The following MARCHF1 variants were observed in gnomAD, a reference collection of about 807,000 sequenced individuals.
MARCHF1 encodes E3 ubiquitin-protein ligase MARCHF1.
In MARCHF1, 40 loss-of-function variants were observed where a neutral mutation model predicts 54.2. The observed-to-expected ratio is 0.74, with a 90% CI of 0.57 to 0.96. The LOEUF (loss-of-function observed/expected upper bound fraction) is 0.96, where lower values mean the gene tolerates loss of function less well. MARCHF1 is among the 40% of genes least tolerant of loss of function. The probability of loss-of-function intolerance (pLI) is 0.00; values close to 1 mark genes in which losing one functional copy is unlikely to be tolerated. For missense variants in MARCHF1, 586 were observed against 656.5 expected, an observed-to-expected ratio of 0.89 and a Z score of 1.17; for synonymous variants, 236 against 236.3, an observed-to-expected ratio of 1.00 and a Z score of 0.01.
chr4:164,127,050 T>C (rs1756198784), intron 1 of MARCHF1, among the ~76,000 whole-genome samples: 1 of 60,444 alleles, frequency 1.7e-5, no homozygotes, highest in African/African-American at 4.6e-5. Context: ...TGAAACTCCG[T>C]CTCAAAACAA....
At chr4:163,615,900 C>T (rs1375691683) in intron 5 of MARCHF1, among the ~76,000 whole-genome samples, 2 of 152,156 alleles carry the variant, frequency 1.3e-5, no homozygotes, top group East Asian at 1.9e-4. Context: ...TGGAACACAA[C>T]AGGGAATTCA....
At chr4:163,821,079 G>A (rs1748679638) in intron 4 of MARCHF1, among the ~76,000 whole-genome samples, 2 of 151,956 alleles carry the variant, frequency 1.3e-5, no homozygotes, top group Admixed American at 1.3e-4. Flanking sequence ...AACTTGTTCT[G>A]TTCCAGTCTC....
In MARCHF1 at chr4:164,228,547, A is replaced by G. The variant is rs118140398; in HGVS notation, c.-322-116885T>C. Among the ~76,000 whole-genome samples the G allele has an allele frequency of 1.7e-3, 252 of 152,326 alleles. 6 individuals are homozygous for G. In the East Asian group the frequency reaches 0.031, roughly 19 times the overall value. On this transcript the variant is annotated intron_variant, in intron 1 of 9. Coordinates refer to ENST00000514618, the MANE Select transcript of MARCHF1 (RefSeq NM_001394959.1). ...AATGATGGTCAAACGTATAATGTTG[A>G]GAAAAACATGTTTTTCTTAATTAAG...
chr4:164,351,071 G>T (rs551411529), intron 1 of MARCHF1, among the ~76,000 whole-genome samples: 1 of 152,176 alleles, frequency 6.6e-6, no homozygotes, highest in Non-Finnish European at 1.5e-5. Flanking sequence ...AAAAAACGGC[G>T]CACCACAAGA....
At chr4:163,627,736 T>G (rs17043989) in intron 5 of MARCHF1, among the ~76,000 whole-genome samples, 2,395 of 152,142 alleles carry the variant, frequency 0.016, 66 homozygotes, top group African/African-American at 0.055. Context: ...AAATACAATC[T>G]AACTCAGCAG....
rs182853859 is a variant in MARCHF1, at chr4:163,859,994, T to G, written c.-38-5825A>C. Among the ~76,000 whole-genome samples, 443 of 152,240 alleles carry G rather than the reference T, an allele frequency of 2.9e-3. 9 individuals are homozygous for G. Among genetic ancestry groups the G allele is most frequent in the Non-Finnish European group, 5.9e-4 (40 of 68,020 alleles). ...AAAAATGAAATGTAGAGACTTCCAG[T>G]TTAAGCTATGACATGTAAAGAGTTT... On this transcript the variant is annotated intron_variant, in intron 3 of 9. Coordinates refer to ENST00000514618, the MANE Select transcript of MARCHF1 (RefSeq NM_001394959.1).
chr4:164,211,797 C>T (rs1057034337), intron 1 of MARCHF1, among the ~76,000 whole-genome samples: 1 of 151,860 alleles, frequency 6.6e-6, no homozygotes, highest in African/African-American at 2.4e-5. Context: ...AGAGATGACA[C>T]GTTTAGACAA....
intron 1 of MARCHF1, among the ~76,000 whole-genome samples, chr4:164,204,040 A>G (rs183068432): frequency 9.8e-4 from 149 of 152,296 alleles, no homozygotes; most frequent in African/African-American, 3.2e-3. Context: ...GCATCACTCT[A>G]CTAGTACCCA....
At chr4:164,268,269 G>A (rs1455373442) in intron 1 of MARCHF1, among the ~76,000 whole-genome samples, 1 of 152,106 alleles carries the variant, frequency 6.6e-6, no homozygotes, top group African/African-American at 2.4e-5. Context: ...TTCCACCATG[G>A]CTCCCCTCCT....
chr4:164,036,131 C>G (rs201251323), intron 2 of MARCHF1, among the ~76,000 whole-genome samples: 1 of 133,872 alleles, frequency 7.5e-6, no homozygotes, highest in Non-Finnish European at 1.6e-5. Context: ...AAACAAAAAA[C>G]AAAAAAAAAA....
intron 3 of MARCHF1, among the ~76,000 whole-genome samples, chr4:163,872,920 T>C (rs887428774): frequency 6.6e-6 from 1 of 151,944 alleles, no homozygotes; most frequent in Non-Finnish European, 1.5e-5. Context: ...GGCGGGCGCC[T>C]GTAGTCCCAG....
intron 5 of MARCHF1, among the ~76,000 whole-genome samples, chr4:163,620,602 C>CAGAGAGAGAGAG (rs748881059): frequency 3.1e-5 from 3 of 97,914 alleles, no homozygotes; most frequent in African/African-American, 2.0e-4. Context: ...CACACACACA[C>CAGAGAGAGAGAG]ACACAGAGAG....
intron 4 of MARCHF1, among the ~76,000 whole-genome samples, chr4:163,764,221 A>T (rs1055879803): frequency 2.6e-5 from 4 of 152,070 alleles, no homozygotes; most frequent in Non-Finnish European, 4.4e-5. Context: ...AGTAACTTAC[A>T]AATTTTGAAG....
chr4:164,307,745 C>T lies in MARCHF1; in HGVS notation c.-323+76125G>A, dbSNP rs193286326. Among the ~76,000 whole-genome samples the T allele has an allele frequency of 2.4e-3, 370 of 152,230 alleles. 3 individuals are homozygous for T. The highest frequency in any genetic ancestry group is 8.2e-3 in the African/African-American group (342 of 41,522). ...TAAGGAATAATTTCTGCCTTAAATT[C>T]GTGTTACAGTTAGTTAGGAGACAGA... On this transcript the variant is annotated intron_variant, in intron 1 of 9. Coordinates refer to ENST00000514618, the MANE Select transcript of MARCHF1 (RefSeq NM_001394959.1).
intron 5 of MARCHF1, among the ~76,000 whole-genome samples, chr4:163,673,396 T>C (rs1376736242): frequency 6.6e-6 from 1 of 152,232 alleles, no homozygotes; most frequent in Non-Finnish European, 1.5e-5. Flanking sequence ...TTTAATCAGC[T>C]TAACACTAGG....
chr4:164,268,962 T>A (rs551427655), intron 1 of MARCHF1, among the ~76,000 whole-genome samples: 1 of 152,292 alleles, frequency 6.6e-6, no homozygotes, highest in Non-Finnish European at 1.5e-5. Flanking sequence ...GCTTGAGATG[T>A]CTATTATAAT....
intron 1 of MARCHF1, among the ~76,000 whole-genome samples, chr4:164,356,089 T>A: frequency 7.4e-6 from 1 of 134,884 alleles, no homozygotes; most frequent in Non-Finnish European, 1.7e-5. Flanking sequence ...CCAGTTAGAA[T>A]GGCAATCATT....
intron 3 of MARCHF1, among the ~76,000 whole-genome samples, chr4:163,922,828 A>C (rs1466206744): frequency 6.6e-6 from 1 of 152,212 alleles, no homozygotes; most frequent in Non-Finnish European, 1.5e-5. Flanking sequence ...TGTTTCTTTC[A>C]ATGGATACAT....
At chr4:164,153,344 A>G (rs1044678612) in intron 1 of MARCHF1, among the ~76,000 whole-genome samples, 1 of 152,162 alleles carries the variant, frequency 6.6e-6, no homozygotes, top group Non-Finnish European at 1.5e-5. Flanking sequence ...AAAACTTTGT[A>G]ACACATCTTA....
Sources: gnomAD v4.1 joint callset for allele counts (sites outside exome capture counted in the v4.1 genomes callset) on GRCh38, gnomAD v4.1.1 for gene constraint, MANE v1.5 for transcripts, NCBI Gene and HGNC (gene_info 2026-07-23, HGNC 2026-07-21) for gene names.